RB1: variants seen among roughly 807,000 people sequenced by gnomAD.
RB1 encodes retinoblastoma-associated protein.
Under a neutral mutation model 135.4 loss-of-function variants are expected in RB1, and 18 were observed. The observed-to-expected ratio is 0.13, with a 90% CI of 0.09 to 0.20. The LOEUF (loss-of-function observed/expected upper bound fraction) is 0.20, where lower values mean the gene tolerates loss of function less well. RB1 is among the 10% of genes least tolerant of loss of function. The pLI, the probability that RB1 is intolerant of heterozygous loss-of-function variation, is 1.00. For missense variants in RB1, 868 were observed against 1,110.0 expected (o/e 0.78, Z 3.10); for synonymous variants, 365 against 373.2 (o/e 0.98, Z 0.25).
At chr13:48,312,767 G>C (rs1952142582) in intron 2 of RB1, among the ~76,000 whole-genome samples, 1 of 152,126 alleles carries the variant, frequency 6.6e-6, no homozygotes, top group African/African-American at 2.4e-5. Context: ...GAAGGTGGAA[G>C]CTTATGTCAT....
chr13:48,317,627 T>C, intron 2 of RB1: 2 of 494,966 alleles, frequency 4.0e-6, no homozygotes, highest in Non-Finnish European at 6.5e-6. Flanking sequence ...TAAACATTTC[T>C]CCTGCTCGCT....
chr13:48,407,478 A>G (rs937046743), intron 17 of RB1, among the ~76,000 whole-genome samples: 1 of 152,180 alleles, frequency 6.6e-6, no homozygotes, highest in African/African-American at 2.4e-5. Context: ...TGTTTAATTG[A>G]CATTCTTTGT....
At chr13:48,459,662 A>G in intron 19 of RB1, 26 bp from the exon 20 acceptor site, 2 of 1,613,684 alleles carry the variant, frequency 1.2e-6, no homozygotes, top group Non-Finnish European at 1.7e-6. Context: ...AACAGTAAAA[A>G]TGACTAATTT....
intron 17 of RB1, among the ~76,000 whole-genome samples, chr13:48,420,920 T>C (rs997044828): frequency 6.6e-6 from 1 of 152,194 alleles, no homozygotes; most frequent in African/African-American, 2.4e-5. Flanking sequence ...TCCATGTTCA[T>C]GGATAGGAAG....
chr13:48,377,049 T>C lies in RB1; in HGVS notation c.1332+15T>C, dbSNP rs762809210. The C allele has an allele frequency of 3.1e-6, 5 of 1,606,008 alleles. No homozygotes were observed. The highest frequency in any genetic ancestry group is 1.7e-4 in the Middle Eastern group (1 of 6,048). ...TTGGATCACAGGTAACTTGAATTCA[T>C]TGTAATTCGTGGTACTATAGAGTAA... On this transcript the variant is annotated intron_variant, in intron 13 of 26. Coordinates refer to ENST00000267163, the MANE Select transcript of RB1 (RefSeq NM_000321.3).
chr13:48,315,057 T>G (rs1336992759), intron 2 of RB1, among the ~76,000 whole-genome samples: 3 of 152,218 alleles, frequency 2.0e-5, no homozygotes, highest in African/African-American at 4.8e-5. Flanking sequence ...TTTTTTTCTT[T>G]TTCCTAACTC....
intron 17 of RB1, among the ~76,000 whole-genome samples, chr13:48,420,256 C>T (rs1437297341): frequency 1.3e-5 from 2 of 152,140 alleles, no homozygotes; most frequent in Non-Finnish European, 2.9e-5. Context: ...AAACGTAATC[C>T]ATCACATAAA....
At chr13:48,439,820 G>A (rs1566227881) in intron 17 of RB1, 1 of 152,052 alleles carries the variant, frequency 6.6e-6, no homozygotes. Context: ...AACCTAAGAA[G>A]ACAAGAAATT....
At chr13:48,323,137 G>A (rs558043926) in intron 2 of RB1, among the ~76,000 whole-genome samples, 12 of 151,934 alleles carry the variant, frequency 7.9e-5, no homozygotes, top group Non-Finnish European at 1.3e-4. Context: ...CATCAGTGAT[G>A]CCATCTGGGC....
At chr13:48,341,048 A>T (rs952453262) in intron 2 of RB1, 1 of 152,028 alleles carries the variant, frequency 6.6e-6, no homozygotes, top group African/African-American at 2.4e-5. Flanking sequence ...TCACTCCAGA[A>T]AGTTCTTTCA....
chr13:48,306,470 G>A (rs914234760), intron 1 of RB1, among the ~76,000 whole-genome samples: 2 of 152,188 alleles, frequency 1.3e-5, no homozygotes, highest in Non-Finnish European at 2.9e-5. Flanking sequence ...TAGAATAGTG[G>A]TCAAGGGCAT....
intron 4 of RB1, 116 bp from the exon 5 acceptor site, chr13:48,347,709 A>G: frequency 1.4e-6 from 1 of 692,120 alleles, no homozygotes; most frequent in Non-Finnish European, 2.5e-6. Flanking sequence ...AATGCTATAT[A>G]TTTTTTGTTT....
At chr13:48,413,650 CATT>C (rs1948857322) in intron 17 of RB1, among the ~76,000 whole-genome samples, 1 of 152,128 alleles carries the variant, frequency 6.6e-6, no homozygotes, top group African/African-American at 2.4e-5. Context: ...TCCTGGGTCT[CATT>C]AGTTTTTGAT....
chr13:48,330,469 A>G (rs1465233592), intron 2 of RB1, among the ~76,000 whole-genome samples: 1 of 152,206 alleles, frequency 6.6e-6, no homozygotes, highest in Admixed American at 6.5e-5. Context: ...ATCAGGAATG[A>G]AAGAGGAGAC....
chr13:48,314,805 A>G (rs928011061), intron 2 of RB1, among the ~76,000 whole-genome samples: 9 of 152,216 alleles, frequency 5.9e-5, no homozygotes, highest in Admixed American at 3.3e-4. Context: ...AAGCAGCTAA[A>G]ATCTATGTAT....
chr13:48,369,162 A>G (rs1424032229), intron 11 of RB1, among the ~76,000 whole-genome samples: 1 of 152,176 alleles, frequency 6.6e-6, no homozygotes, highest in Admixed American at 6.5e-5. Flanking sequence ...AAATTAAAGT[A>G]TCACTATTTG....
At chr13:48,442,305 A>G (rs778256438) in intron 17 of RB1, among the ~76,000 whole-genome samples, 1 of 151,810 alleles carries the variant, frequency 6.6e-6, no homozygotes, top group African/African-American at 2.4e-5. Flanking sequence ...GGTTCACGCC[A>G]TTCTCCTTCC....
rs759188465 is a variant in RB1, at chr13:48,473,387, C to G, written c.2517C>G (p.Phe839Leu). Residue 839 changes from phenylalanine to leucine, a missense_variant, in exon 24 of 27, where the codon TTC (phenylalanine) becomes TTG (leucine). By Grantham distance (22) the Phe-to-Leu change is conservative. Coordinates refer to ENST00000267163, the MANE Select transcript of RB1 (RefSeq NM_000321.3). ...SRILVSIGES[F>L]GTSEKFQKIN... ...TCTTAGTATCAATTGGTGAATCATTCGGGGTGAGTATTTTCTTTCTATGAA... is the reference window on the plus strand; with the variant it reads ...TCTTAGTATCAATTGGTGAATCATTGGGGGTGAGTATTTTCTTTCTATGAA... 6.4e-7 allele frequency: 1 copy of G among 1,562,154 alleles called. No homozygotes were observed. The highest frequency in any genetic ancestry group is 1.1e-5 in the South Asian group (1 of 89,976).
At chr13:48,330,227 T>G (rs975589415) in intron 2 of RB1, among the ~76,000 whole-genome samples, 1 of 151,948 alleles carries the variant, frequency 6.6e-6, no homozygotes, top group Non-Finnish European at 1.5e-5. Context: ...AAGGAAACAG[T>G]AGGACCCCAG....
Sources: allele counts gnomAD v4.1 joint callset (sites outside exome capture counted in the v4.1 genomes callset), GRCh38; gene constraint gnomAD v4.1.1; transcripts MANE v1.5; gene names NCBI Gene and HGNC (gene_info 2026-07-23, HGNC 2026-07-21).